INTS9: variants seen among roughly 807,000 people sequenced by gnomAD.
INTS9 encodes integrator complex subunit 9.
INTS9 carries 55 observed loss-of-function variants against 79.7 expected under a neutral mutation model. The observed-to-expected ratio is 0.69, with a 90% CI of 0.56 to 0.86. The LOEUF (loss-of-function observed/expected upper bound fraction) is 0.86, where lower values mean the gene tolerates loss of function less well. Ranked by LOEUF, INTS9 falls within the 40% of genes least tolerant of loss-of-function variation. The probability of loss-of-function intolerance (pLI) is 0.00; values close to 1 mark genes in which losing one functional copy is unlikely to be tolerated. For synonymous variants in INTS9, 319 were observed against 325.2 expected, an observed-to-expected ratio of 0.98 and a Z score of 0.20; for missense variants, 721 against 831.5, an observed-to-expected ratio of 0.87 and a Z score of 1.64.
intron 2 of INTS9, among the ~76,000 whole-genome samples, chr8:28,856,155 G>C (rs905389162): frequency 6.6e-6 from 1 of 152,182 alleles, no homozygotes; most frequent in Non-Finnish European, 1.5e-5. Context: ...AGACGAGAAT[G>C]ACTACAGCAG....
chr8:28,881,676 G>A (rs1809825041), intron 1 of INTS9, among the ~76,000 whole-genome samples: 4 of 134,806 alleles, frequency 3.0e-5, no homozygotes, highest in South Asian at 2.5e-4. Flanking sequence ...CCCTCTGCCC[G>A]GCCAGCCGCC....
At chr8:28,787,912 C>T (rs1803707403) in intron 10 of INTS9, 23 bp from the exon 11 acceptor site, 1 of 1,569,476 alleles carries the variant, frequency 6.4e-7, no homozygotes, top group Non-Finnish European at 8.7e-7. Context: ...AAAAACACAT[C>T]AGCATGTGAG....
chr8:28,829,974 C>G (rs2131147258), intron 6 of INTS9, among the ~76,000 whole-genome samples: 1 of 152,078 alleles, frequency 6.6e-6, no homozygotes, highest in East Asian at 1.9e-4. Context: ...CCTGTGTGTA[C>G]CTTCCCCAGC....
At chr8:28,817,977 C>T (rs1298376601) in intron 6 of INTS9, among the ~76,000 whole-genome samples, 1 of 148,106 alleles carries the variant, frequency 6.8e-6, no homozygotes, top group African/African-American at 2.5e-5. Flanking sequence ...TATAAGAATG[C>T]TTGTGATTTT....
chr8:28,797,947 T>TTA (rs1359913751), intron 8 of INTS9, among the ~76,000 whole-genome samples: 2 of 152,236 alleles, frequency 1.3e-5, no homozygotes, highest in Non-Finnish European at 2.9e-5. Flanking sequence ...TCACCTTCTA[T>TTA]TATATATAAG....
chr8:28,819,717 T>G (rs1261113684), intron 6 of INTS9, among the ~76,000 whole-genome samples: 3 of 152,204 alleles, frequency 2.0e-5, no homozygotes, highest in African/African-American at 7.2e-5. Context: ...TTATTAACTT[T>G]CTGTCTCGTT....
At chr8:28,866,442 C>T (rs557704783) in intron 1 of INTS9, among the ~76,000 whole-genome samples, 87 of 152,188 alleles carry the variant, frequency 5.7e-4, no homozygotes, top group African/African-American at 1.8e-3. Flanking sequence ...GGAGCATACG[C>T]GTCAGACTCT....
chr8:28,834,926 C>G (rs1806714791), intron 6 of INTS9, among the ~76,000 whole-genome samples: 1 of 152,220 alleles, frequency 6.6e-6, no homozygotes, highest in South Asian at 2.1e-4. Context: ...ATCTGCCCAT[C>G]TCGGCCTCCC....
chr8:28,848,763 C>A (rs1585468377), intron 3 of INTS9, among the ~76,000 whole-genome samples: 1 of 152,180 alleles, frequency 6.6e-6, no homozygotes, highest in South Asian at 2.1e-4. Context: ...TCCTTCCCGG[C>A]CTGCAGAAGC....
chr8:28,843,889 G>C (rs1807341184), intron 4 of INTS9, among the ~76,000 whole-genome samples: 1 of 151,938 alleles, frequency 6.6e-6, no homozygotes, highest in Admixed American at 6.6e-5. Flanking sequence ...TTGCTTCTTG[G>C]GAGCACTTCA....
Position 28,768,091 on chromosome 8 carries a change from G to A in INTS9, c.*55C>T, listed in dbSNP as rs115716733. On this transcript the variant is annotated 3_prime_UTR_variant, in exon 17 of 17. Coordinates refer to ENST00000521022, the MANE Select transcript of INTS9 (RefSeq NM_018250.4). ...TCATGCCACTCCTCAGGTGGCTTGT[G>A]AGGGCAGCCAGTGAGGGACTGCAGG... 8.3e-4 allele frequency: 1,281 copies of A among 1,551,780 alleles called. 7 individuals carry two copies. The African/African-American group carries it at 0.016, about 19-fold the overall frequency.
intron 1 of INTS9, among the ~76,000 whole-genome samples, chr8:28,881,726 G>T (rs1469427624): frequency 1.4e-5 from 2 of 147,954 alleles, no homozygotes; most frequent in Non-Finnish European, 3.0e-5. Flanking sequence ...CCCCCTTCCG[G>T]CCGGCCGCCC....
chr8:28,867,271 T>G (rs1381617256), intron 1 of INTS9, among the ~76,000 whole-genome samples: 1 of 151,994 alleles, frequency 6.6e-6, no homozygotes, highest in East Asian at 1.9e-4. Context: ...GAAAAAAAAT[T>G]AGCTGGGCGT....
intron 12 of INTS9, among the ~76,000 whole-genome samples, chr8:28,779,437 C>T (rs1331103328): frequency 6.6e-6 from 1 of 152,188 alleles, no homozygotes. Context: ...ACACCAACAC[C>T]TTGTCTGACA....
At chr8:28,789,126 A>G (rs1803781989) in intron 10 of INTS9, among the ~76,000 whole-genome samples, 1 of 152,244 alleles carries the variant, frequency 6.6e-6, no homozygotes, top group Non-Finnish European at 1.5e-5. Context: ...ACCTTATATT[A>G]TCTAAATAGA....
At chr8:28,801,063 A>C (rs1258850846) in intron 8 of INTS9, among the ~76,000 whole-genome samples, 1 of 152,246 alleles carries the variant, frequency 6.6e-6, no homozygotes, top group African/African-American at 2.4e-5. Flanking sequence ...TATTAGGTTT[A>C]ACTTTTACTG....
chr8:28,780,986 C>A lies in INTS9; in HGVS notation c.1107G>T (p.Gln369His). Residue 369 changes from glutamine (Q) to histidine (H), a missense_variant, in exon 12 of 17, where the codon CAG becomes CAT. Gln to His is a conservative substitution (Grantham distance 24, BLOSUM62 0). Transcript: ENST00000521022. ...TGGGGTAGTGCTTCAGCTTATTGGT[C>A]TGAATGAGCTGGAAAATATAGAAAA... ...EPPFPHAELI[Q>H]TNKLKHYPSI... 1 of 1,612,814 alleles carries A rather than the reference C, an allele frequency of 6.2e-7. No homozygotes were observed. Among genetic ancestry groups the A allele is most frequent in the South Asian group, 1.1e-5 (1 of 91,024 alleles).
intron 6 of INTS9, among the ~76,000 whole-genome samples, chr8:28,822,425 A>C (rs1228097520): frequency 6.6e-6 from 1 of 152,190 alleles, no homozygotes; most frequent in Non-Finnish European, 1.5e-5. Flanking sequence ...CACCACAACT[A>C]TTCAACTTAG....
intron 8 of INTS9, among the ~76,000 whole-genome samples, chr8:28,797,200 C>T (rs2130973209): frequency 6.6e-6 from 1 of 152,274 alleles, no homozygotes; most frequent in Non-Finnish European, 1.5e-5. Flanking sequence ...GGGAATCACA[C>T]TTTGAGAAGC....
Sources: gnomAD v4.1 joint callset for allele counts (sites outside exome capture counted in the v4.1 genomes callset) on GRCh38, gnomAD v4.1.1 for gene constraint, MANE v1.5 for transcripts, NCBI Gene and HGNC (gene_info 2026-07-23, HGNC 2026-07-21) for gene names.